ATRX: variants seen among roughly 807,000 people sequenced by gnomAD.
ATRX encodes the protein chromatin remodeler ATRX.
A neutral mutation model predicts 172.6 loss-of-function variants in ATRX; 12 were observed. That is an observed-to-expected ratio of 0.07 (90% CI 0.04 to 0.11). The LOEUF (loss-of-function observed/expected upper bound fraction) is 0.11. Ranked by LOEUF, ATRX falls within the 10% of genes least tolerant of loss-of-function variation. ATRX has a pLI of 1.00. For missense variants in ATRX, 1,368 were observed against 1,767.4 expected, an observed-to-expected ratio of 0.77 and a Z score of 4.05; for synonymous variants, 674 against 594.7, an observed-to-expected ratio of 1.13 and a Z score of -1.94.
At chrX:77,509,829 C>A (rs1286711193) in intron 34 of ATRX, among the ~76,000 whole-genome samples, 5 of 103,282 alleles carry the variant, frequency 4.8e-5, no homozygotes, top group Non-Finnish European at 9.7e-5. Flanking sequence ...TTCTGGGGGC[C>A]TAAATAAACC....
intron 10 of ATRX, among the ~76,000 whole-genome samples, chrX:77,670,113 G>C: frequency 8.9e-6 from 1 of 111,800 alleles, no homozygotes; most frequent in Middle Eastern, 4.7e-3. Flanking sequence ...TCTTTTAAGA[G>C]GTTCTGAGAA....
chrX:77,606,408 G>A (rs782480067), intron 22 of ATRX, among the ~76,000 whole-genome samples: 15 of 110,980 alleles, frequency 1.4e-4, no homozygotes, highest in African/African-American at 4.6e-4. Context: ...CTGCAAAATA[G>A]AGAAGGAATA....
chrX:77,662,297 T>C (rs782276569), intron 12 of ATRX, among the ~76,000 whole-genome samples: 70 of 111,752 alleles, frequency 6.3e-4, no homozygotes, highest in Non-Finnish European at 1.2e-3. Context: ...ATGCCCACCA[T>C]ACTGCTGGAA....
At chrX:77,713,486 C>T (rs1364089374) in intron 2 of ATRX, among the ~76,000 whole-genome samples, 1 of 111,276 alleles carries the variant, frequency 9.0e-6, no homozygotes, top group Non-Finnish European at 1.9e-5. Flanking sequence ...GCCTTGAATA[C>T]TTTGAAGGGA....
chrX:77,529,778 C>T (rs782446522), intron 30 of ATRX, among the ~76,000 whole-genome samples: 6 of 111,890 alleles, frequency 5.4e-5, no homozygotes, highest in South Asian at 3.7e-4. Flanking sequence ...GCTAGCATCA[C>T]GATGATGCTA....
chrX:77,644,983 A>C (rs781861803), intron 15 of ATRX, among the ~76,000 whole-genome samples: 7 of 111,657 alleles, frequency 6.3e-5, no homozygotes, highest in Admixed American at 3.8e-4. Context: ...CCAAAGACAA[A>C]GAGAATATTG....
intron 19 of ATRX, among the ~76,000 whole-genome samples, chrX:77,622,979 T>C (rs1456600424): frequency 1.8e-5 from 2 of 109,487 alleles, no homozygotes; most frequent in African/African-American, 6.7e-5. Context: ...ACAGACAATC[T>C]AAGGTCACTA....
At chrX:77,765,113 G>C (rs1280948774) in intron 1 of ATRX, among the ~76,000 whole-genome samples, 5 of 109,731 alleles carry the variant, frequency 4.6e-5, no homozygotes, top group African/African-American at 1.7e-4. Context: ...GTTGCAGTGA[G>C]CCGAGATCAC....
At chrX:77,692,076 T>G (rs782067229) in intron 6 of ATRX, among the ~76,000 whole-genome samples, 26 of 111,861 alleles carry the variant, frequency 2.3e-4, no homozygotes, top group Non-Finnish European at 4.1e-4. Context: ...CAACAGTGGT[T>G]CTTTTATTCT....
chrX:77,754,739 C>T (rs1300147515), intron 1 of ATRX, among the ~76,000 whole-genome samples: 2 of 111,707 alleles, frequency 1.8e-5, no homozygotes, highest in Non-Finnish European at 3.8e-5. Flanking sequence ...GTGGGTAACC[C>T]GACCTTTCTC....
rs782333013 is a variant in ATRX at position 77,589,868 on chromosome X, C to A, written c.6183G>T (p.Lys2061Asn). Residue 2061 changes from lysine (K) to asparagine (N), a missense_variant, in exon 27 of 35, where the codon AAG becomes AAT. Physicochemically the swap from Lys to Asn is moderately conservative, Grantham distance 94. Transcript: ENST00000373344. ...TAAGGGGTTTATCTTTATCTTCTGT[C>A]TTCTCCCTACTAGCTAATTCAAGAA... is the stretch of plus-strand genomic sequence containing the variant. ...EDFLELASRE[K>N]TEDKDKPLIY... 8.3e-7 allele frequency: 1 copy of A among 1,208,185 alleles called. No homozygotes were observed. The highest frequency in any genetic ancestry group is 1.1e-6 in the Non-Finnish European group (1 of 892,953).
intron 9 of ATRX, 105 bp downstream of exon 9, chrX:77,681,415 C>T: frequency 1.2e-6 from 1 of 839,948 alleles, no homozygotes. Context: ...TGGTATTCTC[C>T]TAAGTAGTAA....
At chrX:77,707,226 G>A (rs1319983910) in intron 2 of ATRX, among the ~76,000 whole-genome samples, 1 of 112,076 alleles carries the variant, frequency 8.9e-6, no homozygotes, top group Non-Finnish European at 1.9e-5. Flanking sequence ...AGATTGGGGA[G>A]TTAGTATGTG....
chrX:77,728,611 T>C (rs1369788762), intron 1 of ATRX, among the ~76,000 whole-genome samples: 1 of 111,281 alleles, frequency 9.0e-6, no homozygotes, highest in African/African-American at 3.3e-5. Context: ...TAGGCTAAGT[T>C]TCCATGAAAT....
intron 27 of ATRX, among the ~76,000 whole-genome samples, chrX:77,578,366 T>G (rs782512398): frequency 2.6e-4 from 29 of 112,038 alleles, no homozygotes; most frequent in African/African-American, 8.7e-4. Flanking sequence ...CTCCTCCAAT[T>G]CCAGGTAGCG....
intron 19 of ATRX, among the ~76,000 whole-genome samples, chrX:77,623,315 G>T (rs782260196): frequency 9.0e-6 from 1 of 111,031 alleles, no homozygotes; most frequent in African/African-American, 3.3e-5. Flanking sequence ...CCTACAAGAG[G>T]TGGATAAACT....
At position 77,633,427 on chromosome X, in the gene ATRX, A is replaced by G. The variant is rs782199805; in HGVS notation, c.4957-43T>C. On this transcript the variant is annotated intron_variant, in intron 18 of 34. Transcript: ENST00000373344. ...AGATTTTTTTAAGTAGCTACTAAAA[A>G]CATGTGAATATTAAATATTCCCACT... 10 of 1,166,424 alleles carry G rather than the reference A, an allele frequency of 8.6e-6. No individual in the cohort carries two copies. The Admixed American group carries it at 2.3e-4, about 27-fold the overall frequency.
chrX:77,620,300 C>T (rs968746123), intron 20 of ATRX, 95 bp downstream of exon 20: 1 of 980,552 alleles, frequency 1.0e-6, no homozygotes, highest in Non-Finnish European at 1.4e-6. Context: ...TAGGACTATA[C>T]TAGAATAAGT....
chrX:77,702,088 T>C (rs1267192998), intron 2 of ATRX, among the ~76,000 whole-genome samples: 1 of 111,472 alleles, frequency 9.0e-6, no homozygotes, highest in Non-Finnish European at 1.9e-5. Flanking sequence ...AAAATAAAAC[T>C]ATCCTTATTA....
Sources: allele counts gnomAD v4.1 joint callset (sites outside exome capture counted in the v4.1 genomes callset), GRCh38; gene constraint gnomAD v4.1.1; transcripts MANE v1.5; gene names NCBI Gene and HGNC (gene_info 2026-07-23, HGNC 2026-07-21).